PDE7B: variants seen among roughly 807,000 people sequenced by gnomAD.
The protein encoded by PDE7B is phosphodiesterase 7B, also known as 3',5'-cyclic-AMP phosphodiesterase 7B.
PDE7B carries 29 observed loss-of-function variants against 56.2 expected under a neutral mutation model. That is an observed-to-expected ratio of 0.52 (90% CI 0.38 to 0.70). The LOEUF (loss-of-function observed/expected upper bound fraction) is 0.70. Among genes scored for constraint, PDE7B ranks in the 30% least tolerant of loss-of-function variants. The probability of loss-of-function intolerance (pLI) is 0.00; values close to 1 mark genes in which losing one functional copy is unlikely to be tolerated. For missense variants in PDE7B, 490 were observed against 565.0 expected, an observed-to-expected ratio of 0.87 and a Z score of 1.35; for synonymous variants, 197 against 196.9, an observed-to-expected ratio of 1.00 and a Z score of 0.00.
At chr6:136,036,639 T>C (rs1337466526) in intron 2 of PDE7B, among the ~76,000 whole-genome samples, 1 of 152,130 alleles carries the variant, frequency 6.6e-6, no homozygotes, top group African/African-American at 2.4e-5. Context: ...CAACGATCTT[T>C]CTCCTCTTCC....
chr6:136,029,651 G>A (rs1196142186), intron 2 of PDE7B, among the ~76,000 whole-genome samples: 1 of 152,086 alleles, frequency 6.6e-6, no homozygotes, highest in Non-Finnish European at 1.5e-5. Context: ...AGAAAGATAT[G>A]CAATCATTTT....
intron 2 of PDE7B, among the ~76,000 whole-genome samples, chr6:136,081,912 C>T (rs187641692): frequency 1.3e-5 from 2 of 152,270 alleles, no homozygotes; most frequent in East Asian, 3.9e-4. Flanking sequence ...CAAACTAGAG[C>T]GTAAATAGGA....
At chr6:135,931,233 A>G (rs1009919705) in intron 1 of PDE7B, among the ~76,000 whole-genome samples, 2 of 152,236 alleles carry the variant, frequency 1.3e-5, no homozygotes, top group Non-Finnish European at 2.9e-5. Context: ...TTAAACCTTT[A>G]CATGAATCCA....
chr6:135,941,002 A>G (rs1408715800), intron 1 of PDE7B, among the ~76,000 whole-genome samples: 1 of 152,236 alleles, frequency 6.6e-6, no homozygotes, highest in Non-Finnish European at 1.5e-5. Context: ...GCATACAGGC[A>G]TTTGCCTTGT....
chr6:135,937,960 G>A (rs920638028), intron 1 of PDE7B, among the ~76,000 whole-genome samples: 4 of 152,246 alleles, frequency 2.6e-5, no homozygotes, highest in Non-Finnish European at 5.9e-5. Flanking sequence ...TACACAGCAG[G>A]CCCCATTATG....
chr6:136,057,132 C>A (rs1776750898), intron 2 of PDE7B, among the ~76,000 whole-genome samples: 1 of 152,208 alleles, frequency 6.6e-6, no homozygotes, highest in East Asian at 1.9e-4. Context: ...TAGCACACTG[C>A]TGGTACATAA....
Position 136,192,344 on chromosome 6 carries a change from A to G in PDE7B, c.*504A>G, listed in dbSNP as rs1166547929. 6.6e-6 allele frequency: 1 copy of G among 152,134 alleles called. No homozygotes were observed. The highest frequency in any genetic ancestry group is 2.4e-5 in the African/African-American group (1 of 41,464). The allele number at this position is 152,134 out of a possible 1,614,324, so 9.4% of individuals were successfully genotyped here. On this transcript the variant is annotated 3_prime_UTR_variant, in exon 13 of 13. Transcript: ENST00000308191. Reference sequence around the variant, plus strand: ...TCTATTTTAATAATAATATTATTATAAAAATAATAAATCTTTTTAACTTTT... The same window carrying G: ...TCTATTTTAATAATAATATTATTATGAAAATAATAAATCTTTTTAACTTTT...
chr6:136,184,770 G>A (rs1779118784), intron 11 of PDE7B, among the ~76,000 whole-genome samples: 1 of 152,108 alleles, frequency 6.6e-6, no homozygotes, highest in Admixed American at 6.5e-5. Context: ...AAGAATTGGA[G>A]GAAGAAAACT....
At chr6:136,106,496 G>C (rs1349191288) in intron 2 of PDE7B, among the ~76,000 whole-genome samples, 2 of 152,172 alleles carry the variant, frequency 1.3e-5, no homozygotes, top group African/African-American at 4.8e-5. Context: ...CTGACTATAA[G>C]CTGAAAGCAC....
intron 1 of PDE7B, among the ~76,000 whole-genome samples, chr6:135,917,550 C>T (rs1248017379): frequency 6.6e-6 from 1 of 151,642 alleles, no homozygotes; most frequent in African/African-American, 2.4e-5. Flanking sequence ...TTAAAGGCTT[C>T]ATCTGCTAAT....
intron 2 of PDE7B, among the ~76,000 whole-genome samples, chr6:136,030,855 G>A (rs1455601858): frequency 6.6e-6 from 1 of 152,178 alleles, no homozygotes; most frequent in Non-Finnish European, 1.5e-5. Context: ...AATTGCATTT[G>A]ACATTTGATG....
intron 2 of PDE7B, among the ~76,000 whole-genome samples, chr6:136,101,827 C>A (rs73561318): frequency 0.024 from 3,655 of 152,282 alleles, 140 homozygotes; most frequent in African/African-American, 0.082. Context: ...TGGTCCACAG[C>A]ACACCTGTTG....
chr6:136,035,792 A>G (rs1396704607), intron 2 of PDE7B, among the ~76,000 whole-genome samples: 6 of 152,178 alleles, frequency 3.9e-5, no homozygotes, highest in Non-Finnish European at 8.8e-5. Context: ...AGAGGATACA[A>G]TGGAAATGTA....
At chr6:136,071,315 T>C (rs1475201778) in intron 2 of PDE7B, 2 of 152,100 alleles carry the variant, frequency 1.3e-5, no homozygotes, top group Admixed American at 1.3e-4. Flanking sequence ...ATATTGAAAA[T>C]AACCAGTGAA....
intron 2 of PDE7B, among the ~76,000 whole-genome samples, chr6:136,030,225 G>A (rs959028758): frequency 3.3e-5 from 5 of 152,144 alleles, no homozygotes; most frequent in African/African-American, 1.2e-4. Context: ...TATTCTAAGC[G>A]TTCTTGTTTA....
chr6:136,171,844 G>C (rs1321067783), intron 8 of PDE7B, among the ~76,000 whole-genome samples: 1 of 139,910 alleles, frequency 7.1e-6, no homozygotes. Context: ...GTGTCCATGT[G>C]TTCTCATTGT....
intron 10 of PDE7B, among the ~76,000 whole-genome samples, chr6:136,179,353 A>C (rs1188629964): frequency 1.3e-5 from 2 of 152,124 alleles, no homozygotes; most frequent in African/African-American, 4.8e-5. Flanking sequence ...AAAAAACACA[A>C]AACAACAACA....
At chr6:135,918,647 A>T (rs962543512) in intron 1 of PDE7B, among the ~76,000 whole-genome samples, 6 of 152,142 alleles carry the variant, frequency 3.9e-5, no homozygotes, top group Non-Finnish European at 1.5e-5. Context: ...TAAATAAATT[A>T]AAAAATATTT....
chr6:135,916,383 C>CTTTCTTTT (rs1773941549), intron 1 of PDE7B, among the ~76,000 whole-genome samples: 1 of 91,930 alleles, frequency 1.1e-5, no homozygotes, highest in African/African-American at 4.2e-5. Context: ...CTTTTCTTTT[C>CTTTCTTTT]TTTTCTTTCT....
Sources: allele counts gnomAD v4.1 joint callset (sites outside exome capture counted in the v4.1 genomes callset), GRCh38; gene constraint gnomAD v4.1.1; transcripts MANE v1.5; gene names NCBI Gene and HGNC (gene_info 2026-07-23, HGNC 2026-07-21).